Variants in NALF1 observed in about 807,000 individuals in gnomAD.
The protein encoded by NALF1 is family with sequence similarity 155 member A.
In NALF1, 3 loss-of-function variants were observed where a neutral mutation model predicts 48.4. That is an observed-to-expected ratio of 0.06 (90% confidence interval 0.03 to 0.16). The LOEUF (loss-of-function observed/expected upper bound fraction) is 0.16, where lower values mean the gene tolerates loss of function less well. NALF1 is among the 10% of genes least tolerant of loss of function. The pLI, the probability that NALF1 is intolerant of heterozygous loss-of-function variation, is 1.00. For synonymous variants in NALF1, 262 were observed against 245.7 expected (o/e 1.07, Z -0.62); for missense variants, 526 against 571.5 (o/e 0.92, Z 0.81).
intron 1 of NALF1, among the ~76,000 whole-genome samples, chr13:107,830,592 A>T (rs887071297): frequency 1.3e-5 from 2 of 152,174 alleles, no homozygotes; most frequent in Non-Finnish European, 2.9e-5. Context: ...CTGGAGAAAT[A>T]TCTATTCAAG....
chr13:107,690,610 C>T (rs763306638), intron 1 of NALF1, among the ~76,000 whole-genome samples: 15 of 152,084 alleles, frequency 9.9e-5, no homozygotes, highest in African/African-American at 3.6e-4. Context: ...GATACTATCT[C>T]AAGGTAGGAT....
chr13:107,604,837 C>A (rs1879022666), intron 1 of NALF1, among the ~76,000 whole-genome samples: 2 of 152,150 alleles, frequency 1.3e-5, no homozygotes, highest in African/African-American at 4.8e-5. Flanking sequence ...CAGACATCAG[C>A]AAGTCCCCCT....
chr13:107,618,578 T>C (rs1879441080), intron 1 of NALF1, among the ~76,000 whole-genome samples: 2 of 152,182 alleles, frequency 1.3e-5, no homozygotes, highest in African/African-American at 4.8e-5. Flanking sequence ...GTTAGAGAGA[T>C]GGCAGTGGCC....
intron 1 of NALF1, among the ~76,000 whole-genome samples, chr13:107,262,580 A>G (rs10083242): frequency 0.096 from 14,611 of 152,220 alleles, 764 homozygotes; most frequent in East Asian, 0.12. Flanking sequence ...GCACAAAAAC[A>G]ATCATTTCCC....
intron 1 of NALF1, among the ~76,000 whole-genome samples, chr13:107,721,277 G>T (rs181400918): frequency 7.9e-5 from 12 of 152,202 alleles, no homozygotes; most frequent in Non-Finnish European, 1.6e-4. Context: ...CCGGTTCCTA[G>T]GGGACAAAAA....
intron 1 of NALF1, among the ~76,000 whole-genome samples, chr13:107,595,707 A>G (rs1244531359): frequency 1.3e-5 from 2 of 152,210 alleles, no homozygotes; most frequent in East Asian, 3.8e-4. Context: ...TAGCTGTCAC[A>G]TGCATCATCT....
At chr13:107,537,324 C>A (rs1840936085) in intron 1 of NALF1, among the ~76,000 whole-genome samples, 1 of 152,072 alleles carries the variant, frequency 6.6e-6, no homozygotes, top group Non-Finnish European at 1.5e-5. Context: ...CTTATACATG[C>A]CACTAGTTTT....
At chr13:107,429,647 A>G (rs1884341409) in intron 1 of NALF1, among the ~76,000 whole-genome samples, 1 of 152,206 alleles carries the variant, frequency 6.6e-6, no homozygotes. Flanking sequence ...CTTACTCAAC[A>G]GGGTTATCAA....
In NALF1 at chr13:107,325,849, CACACACAT is replaced by C. The variant is rs1350827789; in HGVS notation, c.916-115102_916-115095del. Among the ~76,000 whole-genome samples the C allele has an allele frequency of 1.4e-3, 74 of 52,622 alleles. 1 individual carries two copies. In the East Asian group the frequency reaches 0.018, roughly 13 times the overall value. The allele number at this position is 52,622 out of a possible 152,430, so 34.5% of individuals were successfully genotyped here. The stretch of plus-strand genomic sequence containing the variant: ...GAGAGAAACTGTGTCTCAACACACA[CACACACAT>C]ATATATATATATATATATATATATA... On this transcript the variant is annotated intron_variant, in intron 1 of 2. Coordinates refer to ENST00000375915, the MANE Select transcript of NALF1 (RefSeq NM_001080396.3).
rs560466748 is a variant in NALF1, at chr13:107,744,597, C to T, written c.915+121085G>A. 3.3e-5 allele frequency among the ~76,000 whole-genome samples: 5 copies of T among 152,276 alleles called. No homozygotes were observed. The South Asian group carries it at 6.2e-4, about 19-fold the overall frequency. ...GAATCTATAGAAATCATGTGATTTA[C>T]GCTCCTTCCTCTTCTTTGACATGAC... is the stretch of plus-strand genomic sequence containing the variant. On this transcript the variant is annotated intron_variant, in intron 1 of 2. Coordinates refer to ENST00000375915, the MANE Select transcript of NALF1 (RefSeq NM_001080396.3).
intron 1 of NALF1, among the ~76,000 whole-genome samples, chr13:107,739,632 T>G (rs1230492805): frequency 6.6e-6 from 1 of 152,012 alleles, no homozygotes; most frequent in Non-Finnish European, 1.5e-5. Context: ...CAAAGTATAA[T>G]AGCAATTTAT....
intron 1 of NALF1, among the ~76,000 whole-genome samples, chr13:107,659,114 G>GACACACACACACACACACACAC (rs71121541): frequency 2.1e-5 from 3 of 145,900 alleles, no homozygotes; most frequent in East Asian, 2.2e-4. Flanking sequence ...CTGACACACA[G>GACACACACACACACACACACAC]ACACACACAC....
chr13:107,340,489 T>TCTTTCTTTCTTTTCTTTCTTTC (rs1882655843), intron 1 of NALF1, among the ~76,000 whole-genome samples: 1 of 57,126 alleles, frequency 1.8e-5, no homozygotes, highest in Admixed American at 2.0e-4. Flanking sequence ...TTCTTTCTTT[T>TCTTTCTTTCTTTTCTTTCTTTC]TGTCTTTCTT....
intron 1 of NALF1, among the ~76,000 whole-genome samples, chr13:107,720,240 G>A (rs192732348): frequency 1.3e-5 from 2 of 152,220 alleles, no homozygotes; most frequent in Non-Finnish European, 2.9e-5. Context: ...GGCTGGGCAC[G>A]GTGGCTCATG....
At position 107,557,647 on chromosome 13, in the gene NALF1, G is replaced by C. The variant is rs555480630; in HGVS notation, c.915+308035C>G. Among the ~76,000 whole-genome samples, 26 of 152,190 alleles carry C rather than the reference G, an allele frequency of 1.7e-4. No homozygotes were observed. The South Asian group carries it at 5.0e-3, about 29-fold the overall frequency. On this transcript the variant is annotated intron_variant, in intron 1 of 2. Coordinates refer to ENST00000375915, the MANE Select transcript of NALF1 (RefSeq NM_001080396.3). The stretch of plus-strand genomic sequence containing the variant: ...ATTATTTTGGTTTCTCAGAAGCACA[G>C]CCTTTTTGAGATGGAAGAAAACACA...
At chr13:107,781,303 T>C (rs189410716) in intron 1 of NALF1, among the ~76,000 whole-genome samples, 1 of 152,360 alleles carries the variant, frequency 6.6e-6, no homozygotes, top group African/African-American at 2.4e-5. Context: ...GGGTGCTATA[T>C]GACAGAGTAT....
chr13:107,499,372 TCTCA>T (rs1875440675), intron 1 of NALF1, among the ~76,000 whole-genome samples: 1 of 152,002 alleles, frequency 6.6e-6, no homozygotes, highest in South Asian at 2.1e-4. Context: ...TGAGAAAGGG[TCTCA>T]CTCTGTCACC....
At chr13:107,287,598 A>G (rs1881520807) in intron 1 of NALF1, among the ~76,000 whole-genome samples, 1 of 152,196 alleles carries the variant, frequency 6.6e-6, no homozygotes, top group Non-Finnish European at 1.5e-5. Context: ...CTAATAAGAA[A>G]TGTATCACCA....
chr13:107,293,262 G>T (rs958421461), intron 1 of NALF1, among the ~76,000 whole-genome samples: 2 of 151,946 alleles, frequency 1.3e-5, no homozygotes, highest in Non-Finnish European at 2.9e-5. Context: ...TTACAGGTGT[G>T]AGCCACCGCG....
Sources: allele counts gnomAD v4.1 joint callset (sites outside exome capture counted in the v4.1 genomes callset), GRCh38; gene constraint gnomAD v4.1.1; transcripts MANE v1.5; gene names NCBI Gene and HGNC (gene_info 2026-07-23, HGNC 2026-07-21).